The following ADAMTSL1 variants were observed in gnomAD, a reference collection of about 807,000 sequenced individuals.
ADAMTSL1 encodes the protein ADAMTS-like protein 1.
A neutral mutation model predicts 201.8 loss-of-function variants in ADAMTSL1; 126 were observed. The ratio of observed to expected loss-of-function variants is 0.62; its 90% CI spans 0.54 to 0.72. ADAMTSL1 has a LOEUF of 0.72. Ranked by LOEUF, ADAMTSL1 falls within the 30% of genes least tolerant of loss-of-function variation. The probability of loss-of-function intolerance (pLI) is 0.00; values close to 1 mark genes in which losing one functional copy is unlikely to be tolerated. For synonymous variants in ADAMTSL1, 1,121 were observed against 903.4 expected (o/e 1.24, Z -4.32); for missense variants, 2,679 against 2,277.8 (o/e 1.18, Z -3.59).
chr9:18,355,813 C>G (rs1009359361), intron 2 of ADAMTSL1, among the ~76,000 whole-genome samples: 4 of 152,174 alleles, frequency 2.6e-5, no homozygotes, highest in Non-Finnish European at 5.9e-5. Context: ...TCGAGGCCAG[C>G]CTAGGCAACA....
Position 18,448,964 on chromosome 9 carries a change from T to A in ADAMTSL1, c.208-55865T>A, listed in dbSNP as rs139348208. Among the ~76,000 whole-genome samples, 381 of 152,194 alleles carry A rather than the reference T, an allele frequency of 2.5e-3. 1 individual carries two copies. Among genetic ancestry groups the A allele is most frequent in the African/African-American group, 8.6e-3 (357 of 41,564 alleles). ...GCACAAATAATATAAATTTTTATAC[T>A]ATGCTTTATTGAAAATACTAAATAA... On this transcript the variant is annotated intron_variant, in intron 2 of 29. Coordinates refer to the ADAMTSL1 transcript ENST00000680146.
rs764603599 is a variant in ADAMTSL1 at position 18,721,594 on chromosome 9, G to A, written c.1935G>A (p.Glu645=). Residue 645 remains glutamate (E), a synonymous_variant, in exon 15 of 29, where the codon GAG becomes GAA. Coordinates refer to ENST00000380548, the MANE Select transcript of ADAMTSL1 (RefSeq NM_001040272.6). The part of the protein sequence containing the change: ...LNKQTREPAE[E]NLCVTSRRPP... ...AACAGACTCGGGAGCCTGCTGAGGA[G>A]AACCTGTGCGTGACCAGCCGCCGGC... 6.2e-7 allele frequency: 1 copy of A among 1,613,968 alleles called. No homozygotes were observed. Among genetic ancestry groups the A allele is most frequent in the South Asian group, 1.1e-5 (1 of 91,080 alleles).
intron 2 of ADAMTSL1, among the ~76,000 whole-genome samples, chr9:18,252,875 A>G (rs1343455343): frequency 1.3e-5 from 2 of 152,210 alleles, no homozygotes; most frequent in Non-Finnish European, 2.9e-5. Context: ...TGACTAAGCT[A>G]TCTAACTTTG....
chr9:18,678,111 G>A (rs1830227748), intron 10 of ADAMTSL1, among the ~76,000 whole-genome samples: 1 of 152,064 alleles, frequency 6.6e-6, no homozygotes, highest in Admixed American at 6.6e-5. Context: ...ATATGAGAAT[G>A]TAGTCTGAAT....
intron 4 of ADAMTSL1, among the ~76,000 whole-genome samples, chr9:18,595,618 C>T (rs552632846): frequency 6.6e-6 from 1 of 152,316 alleles, no homozygotes; most frequent in East Asian, 1.9e-4. Context: ...GACAAGTCTC[C>T]CTCTAAGCTG....
chr9:18,872,785 G>A (rs1175801087), intron 23 of ADAMTSL1, among the ~76,000 whole-genome samples: 1 of 152,164 alleles, frequency 6.6e-6, no homozygotes, highest in Non-Finnish European at 1.5e-5. Flanking sequence ...TGCAAATTCT[G>A]CTGCTATAAA....
chr9:18,079,448 G>T (rs1563987136), intron 1 of ADAMTSL1, among the ~76,000 whole-genome samples: 1 of 151,972 alleles, frequency 6.6e-6, no homozygotes, highest in Non-Finnish European at 1.5e-5. Context: ...GGAGGCCGAG[G>T]TGGGCGGATC....
At chr9:18,163,704 T>A (rs1488269059) in intron 1 of ADAMTSL1, among the ~76,000 whole-genome samples, 1 of 151,998 alleles carries the variant, frequency 6.6e-6, no homozygotes, top group Non-Finnish European at 1.5e-5. Context: ...GCCAGAATGT[T>A]CTAGTGGTTC....
intron 7 of ADAMTSL1, among the ~76,000 whole-genome samples, chr9:18,648,211 C>A (rs997026243): frequency 2.2e-5 from 3 of 134,464 alleles, no homozygotes; most frequent in African/African-American, 7.7e-5. Flanking sequence ...GATTGCCAAC[C>A]CTGCCTTTTT....
intron 1 of ADAMTSL1, among the ~76,000 whole-genome samples, chr9:17,949,057 A>G (rs1203338491): frequency 6.6e-6 from 1 of 152,240 alleles, no homozygotes; most frequent in Non-Finnish European, 1.5e-5. Context: ...CCATTCCAGT[A>G]TCTGAAAACC....
chr9:18,433,335 T>C (rs1819580381), intron 2 of ADAMTSL1, among the ~76,000 whole-genome samples: 1 of 152,082 alleles, frequency 6.6e-6, no homozygotes, highest in Admixed American at 6.6e-5. Flanking sequence ...AAAGAATAAA[T>C]GTCTTTATGA....
intron 2 of ADAMTSL1, among the ~76,000 whole-genome samples, chr9:18,369,556 G>C (rs1400011779): frequency 3.9e-5 from 6 of 152,008 alleles, no homozygotes; most frequent in Non-Finnish European, 7.4e-5. Flanking sequence ...AACCACTATG[G>C]GAAACAGGAT....
chr9:18,063,953 C>T (rs1305588280), intron 1 of ADAMTSL1, among the ~76,000 whole-genome samples: 1 of 152,140 alleles, frequency 6.6e-6, no homozygotes, highest in African/African-American at 2.4e-5. Context: ...TCAACAACCA[C>T]AGGACTCACA....
intron 1 of ADAMTSL1, among the ~76,000 whole-genome samples, chr9:18,035,342 G>A (rs924082532): frequency 6.6e-6 from 1 of 152,184 alleles, no homozygotes; most frequent in Non-Finnish European, 1.5e-5. Context: ...TTCAATTGAA[G>A]TGGACCTATC....
At chr9:18,495,532 G>C (rs1357907291) in intron 1 of ADAMTSL1, among the ~76,000 whole-genome samples, 1 of 152,146 alleles carries the variant, frequency 6.6e-6, no homozygotes, top group Non-Finnish European at 1.5e-5. Flanking sequence ...GGGAAAGTAT[G>C]ACCAGAACCT....
chr9:18,465,932 G>C (rs1820988112), intron 2 of ADAMTSL1, among the ~76,000 whole-genome samples: 1 of 151,370 alleles, frequency 6.6e-6, no homozygotes, highest in African/African-American at 2.4e-5. Flanking sequence ...TTTTTTTTTA[G>C]TAGAGATGGG....
intron 4 of ADAMTSL1, among the ~76,000 whole-genome samples, chr9:18,610,885 G>A (rs1191492622): frequency 6.6e-6 from 1 of 152,120 alleles, no homozygotes; most frequent in African/African-American, 2.4e-5. Context: ...ATTGTGTGTA[G>A]AATTTTGTTT....
intron 2 of ADAMTSL1, among the ~76,000 whole-genome samples, chr9:18,369,606 A>G (rs935877921): frequency 1.3e-5 from 2 of 152,334 alleles, no homozygotes; most frequent in Admixed American, 1.3e-4. Flanking sequence ...CTACCATTAG[A>G]CCCATCTATC....
intron 1 of ADAMTSL1, among the ~76,000 whole-genome samples, chr9:17,947,184 T>A (rs1322202224): frequency 6.6e-6 from 1 of 150,990 alleles, no homozygotes; most frequent in East Asian, 1.9e-4. Context: ...ATATATAGTA[T>A]ACACTTACAT....
Sources: gnomAD v4.1 joint callset for allele counts (sites outside exome capture counted in the v4.1 genomes callset) on GRCh38, gnomAD v4.1.1 for gene constraint, MANE v1.5 for transcripts, NCBI Gene and HGNC (gene_info 2026-07-23, HGNC 2026-07-21) for gene names.